Variants in PARVB observed in about 807,000 individuals in gnomAD.
The protein encoded by PARVB is beta-parvin.
PARVB carries 46 observed loss-of-function variants against 47.0 expected under a neutral mutation model. The observed-to-expected ratio is 0.98, with a 90% CI of 0.77 to 1.25. The LOEUF is 1.25. Ranked by LOEUF, PARVB falls within the 50% of genes most tolerant of loss-of-function variation. The pLI, the probability that PARVB is intolerant of heterozygous loss-of-function variation, is 0.00. For synonymous variants in PARVB, 196 were observed against 196.3 expected, an observed-to-expected ratio of 1.00 and a Z score of 0.01; for missense variants, 473 against 471.6, an observed-to-expected ratio of 1.00 and a Z score of -0.03.
intron 4 of PARVB, among the ~76,000 whole-genome samples, chr22:44,120,695 A>C (rs60594163): frequency 1.2e-3 from 188 of 151,652 alleles, no homozygotes; most frequent in African/African-American, 4.2e-3. Flanking sequence ...ATTTTGGTAG[A>C]GTCAGGATCT....
intron 4 of PARVB, among the ~76,000 whole-genome samples, chr22:44,128,837 G>A (rs991579478): frequency 9.9e-5 from 15 of 152,160 alleles, no homozygotes; most frequent in East Asian, 3.9e-4. Context: ...CAGCACTTCC[G>A]GAGGCTGAGG....
In PARVB at chr22:44,156,091, TGTGAGCCGAGGTTGCA is replaced by T. The variant is rs1314956668; in HGVS notation, c.844-1880_844-1865del. ...CTTGAACCCAGGAGGCAGAGGTTGC[TGTGAGCCGAGGTTGCA>T]GTGAGCCGAGATCGCACCACTGCAC... On this transcript the variant is annotated intron_variant, in intron 10 of 12. Coordinates refer to ENST00000338758, the MANE Select transcript of PARVB (RefSeq NM_013327.5). Among the ~76,000 whole-genome samples, 12 of 151,936 alleles carry T rather than the reference TGTGAGCCGAGGTTGCA, an allele frequency of 7.9e-5. No individual in the cohort carries two copies. In the East Asian group the frequency reaches 2.2e-3, roughly 27 times the overall value.
At chr22:44,148,151 T>G in intron 9 of PARVB, 1 of 561,310 alleles carries the variant, frequency 1.8e-6, no homozygotes, top group Non-Finnish European at 3.2e-6. Flanking sequence ...CCGCTCCGCT[T>G]CTGTTAAGTG....
At chr22:44,023,426 G>A (rs867113409), upstream of PARVB, among the ~76,000 whole-genome samples, 3 of 152,056 alleles carry the variant, frequency 2.0e-5, no homozygotes, top group Middle Eastern at 3.4e-3. Context: ...CAGGAGAATC[G>A]CTTTAACTCA....
At chr22:44,033,206 A>T (rs866661544) in intron 1 of PARVB, among the ~76,000 whole-genome samples, 13 of 152,080 alleles carry the variant, frequency 8.5e-5, no homozygotes, top group African/African-American at 3.1e-4. Flanking sequence ...ACATCCAGCT[A>T]ATTTTTTATA....
chr22:44,122,582 G>C (rs867234025), intron 4 of PARVB, among the ~76,000 whole-genome samples: 4,686 of 132,290 alleles, frequency 0.035, 392 homozygotes, highest in African/African-American at 0.16. Context: ...GAGAGAGAGA[G>C]AGAGAGAGAG....
At chr22:44,107,940 C>A (rs1211800465) in intron 3 of PARVB, 5 of 151,798 alleles carry the variant, frequency 3.3e-5, no homozygotes, top group Admixed American at 6.6e-5. Context: ...GTGGTGCAAT[C>A]TCAGCTCACT....
intron 10 of PARVB, 71 bp from the exon 11 acceptor site, chr22:44,157,911 C>T (rs554067497): frequency 1.4e-4 from 146 of 1,055,754 alleles, no homozygotes; most frequent in Non-Finnish European, 2.0e-4. Context: ...AAATATGCCC[C>T]CCTTAAGTTT....
intron 1 of PARVB, among the ~76,000 whole-genome samples, chr22:44,064,008 G>T (rs545282652): frequency 2.6e-5 from 4 of 152,162 alleles, no homozygotes; most frequent in Non-Finnish European, 5.9e-5. Context: ...TTTCCTCCTC[G>T]GTTTCTGTGT....
chr22:44,153,995 C>T (rs1007722381), intron 10 of PARVB, among the ~76,000 whole-genome samples: 4 of 152,128 alleles, frequency 2.6e-5, no homozygotes, highest in Non-Finnish European at 4.4e-5. Context: ...AAGCCTGCAC[C>T]GCACACTTTG....
At chr22:44,026,683 C>T (rs528114179) in intron 1 of PARVB, among the ~76,000 whole-genome samples, 14 of 152,320 alleles carry the variant, frequency 9.2e-5, no homozygotes, top group African/African-American at 3.4e-4. Flanking sequence ...CGGTTGCCTA[C>T]CAGGGAGTGA....
intron 6 of PARVB, among the ~76,000 whole-genome samples, chr22:44,135,725 G>C (rs551351598): frequency 2.6e-5 from 4 of 152,184 alleles, no homozygotes; most frequent in Admixed American, 2.0e-4. Context: ...ATGTTGTCAG[G>C]GTAGGATGTC....
intron 2 of PARVB, among the ~76,000 whole-genome samples, chr22:44,012,779 T>G (rs1603422567): frequency 6.6e-6 from 1 of 152,164 alleles, no homozygotes; most frequent in African/African-American, 2.4e-5. Context: ...TTCCCTTTTC[T>G]CTCCCAAAGA....
chr22:44,001,613 A>G (rs2050414018), intron 2 of PARVB, among the ~76,000 whole-genome samples: 1 of 152,224 alleles, frequency 6.6e-6, no homozygotes, highest in South Asian at 2.1e-4. Flanking sequence ...AAGTGGGACC[A>G]TTAGAAGTTA....
At chr22:44,003,144 C>T (rs1205251045) in intron 2 of PARVB, among the ~76,000 whole-genome samples, 2 of 152,068 alleles carry the variant, frequency 1.3e-5, no homozygotes, top group African/African-American at 2.4e-5. Flanking sequence ...ATGGATGTGC[C>T]GGTCAATTAA....
intron 2 of PARVB, among the ~76,000 whole-genome samples, chr22:44,017,964 T>C (rs1216430041): frequency 2.6e-5 from 4 of 152,124 alleles, no homozygotes; most frequent in African/African-American, 9.7e-5. Context: ...TGTGTGCTTC[T>C]CCAGACTAGA....
At chr22:44,133,440 C>G (rs1410695068) in intron 6 of PARVB, among the ~76,000 whole-genome samples, 1 of 152,212 alleles carries the variant, frequency 6.6e-6, no homozygotes, top group Non-Finnish European at 1.5e-5. Context: ...GTTCATTTCT[C>G]TTGATTCACT....
Position 44,024,398 on chromosome 22 carries a change from C to A in PARVB, c.59C>A (p.Ser20Ter), listed in dbSNP as rs763079877. ...PRPRRMKKDE[S>*]FLGKLGGTLA... ...CCCCGCAGGATGAAGAAGGACGAGT[C>A]GTTCCTGGGCAAGCTGGGCGGCACC... The change falls in exon 1 of 13, where the codon TCG (serine) becomes TAG (stop). Residue 20 changes from serine (S) to a stop codon, truncating the protein, a stop_gained. Transcript: ENST00000338758. LOFTEE classifies it high-confidence loss of function. The A allele has an allele frequency of 3.2e-5, 40 of 1,257,668 alleles. No homozygotes were observed. The Admixed American group carries it at 1.2e-3, about 39-fold the overall frequency. The allele number at this position is 1,257,668 out of a possible 1,614,324, so 77.9% of individuals were successfully genotyped here.
chr22:44,021,939 C>T (rs1246732680), upstream of PARVB, among the ~76,000 whole-genome samples: 1 of 152,070 alleles, frequency 6.6e-6, no homozygotes, highest in African/African-American at 2.4e-5. Flanking sequence ...CCCGTGCAGC[C>T]TCCAAATGGA....
Sources: allele counts gnomAD v4.1 joint callset (sites outside exome capture counted in the v4.1 genomes callset), GRCh38; gene constraint gnomAD v4.1.1; transcripts MANE v1.5; gene names NCBI Gene and HGNC (gene_info 2026-07-23, HGNC 2026-07-21).